DLG2: variants seen among roughly 807,000 people sequenced by gnomAD.
DLG2 encodes the protein disks large homolog 2.
DLG2 carries 45 observed loss-of-function variants against 132.5 expected under a neutral mutation model. The ratio of observed to expected loss-of-function variants is 0.34; its 90% CI spans 0.27 to 0.44. The LOEUF (loss-of-function observed/expected upper bound fraction) is 0.44. Among genes scored for constraint, DLG2 ranks in the 20% least tolerant of loss-of-function variants. The pLI is 1.00. For synonymous variants in DLG2, 424 were observed against 419.6 expected, an observed-to-expected ratio of 1.01 and a Z score of -0.13; for missense variants, 1,045 against 1,196.9, an observed-to-expected ratio of 0.87 and a Z score of 1.87.
intron 18 of DLG2, among the ~76,000 whole-genome samples, chr11:83,770,406 GAATATAATTACTA>G (rs1456450014): frequency 6.6e-6 from 1 of 151,988 alleles, no homozygotes; most frequent in Non-Finnish European, 1.5e-5. Context: ...ATTCTGGGCA[GAATATAATTACTA>G]AGCCCCAGAG....
At chr11:85,625,818 C>G (rs1272332457) in intron 2 of DLG2, among the ~76,000 whole-genome samples, 1 of 152,110 alleles carries the variant, frequency 6.6e-6, no homozygotes, top group Non-Finnish European at 1.5e-5. Context: ...CAAAACAAAA[C>G]AAAACAAAAA....
At chr11:85,001,103 T>A (rs2058164962) in intron 6 of DLG2, among the ~76,000 whole-genome samples, 1 of 151,220 alleles carries the variant, frequency 6.6e-6, no homozygotes, top group African/African-American at 2.4e-5. Context: ...TAGAAAGAAC[T>A]TTTTTTTTGA....
At chr11:83,886,877 A>G (rs1339480120) in intron 15 of DLG2, among the ~76,000 whole-genome samples, 1 of 150,536 alleles carries the variant, frequency 6.6e-6, no homozygotes, top group African/African-American at 2.4e-5. Flanking sequence ...GAAGGCAGAA[A>G]TAAAGATGTT....
chr11:83,567,907 A>C (rs1363725310), intron 19 of DLG2, among the ~76,000 whole-genome samples: 1 of 152,214 alleles, frequency 6.6e-6, no homozygotes, highest in Non-Finnish European at 1.5e-5. Flanking sequence ...GAAGAGAAGC[A>C]GTAAAAGCTA....
chr11:84,210,396 G>T (rs1406157831), intron 8 of DLG2, among the ~76,000 whole-genome samples: 1 of 125,632 alleles, frequency 8.0e-6, no homozygotes, highest in Non-Finnish European at 1.7e-5. Flanking sequence ...TGGGGTGGGG[G>T]GAGCGGGGAG....
At chr11:84,600,816 C>T (rs924048125) in intron 6 of DLG2, among the ~76,000 whole-genome samples, 2 of 152,020 alleles carry the variant, frequency 1.3e-5, no homozygotes, top group African/African-American at 4.8e-5. Context: ...TGAATTATCA[C>T]TATTAATTAA....
chr11:84,710,997 C>CATATATATATAT (rs201024808), intron 6 of DLG2, among the ~76,000 whole-genome samples: 3 of 96,156 alleles, frequency 3.1e-5, no homozygotes, highest in African/African-American at 4.7e-5. Context: ...CAAGTACATT[C>CATATATATATAT]ATATATATAT....
At chr11:84,891,626 T>A (rs2089410318) in intron 6 of DLG2, among the ~76,000 whole-genome samples, 1 of 152,200 alleles carries the variant, frequency 6.6e-6, no homozygotes, top group Non-Finnish European at 1.5e-5. Context: ...AGTATTGGCA[T>A]ATTTACAGCC....
At chr11:84,818,552 A>G (rs1281791160) in intron 6 of DLG2, among the ~76,000 whole-genome samples, 1 of 151,894 alleles carries the variant, frequency 6.6e-6, no homozygotes, top group Non-Finnish European at 1.5e-5. Context: ...AAGTTCAGAG[A>G]CATTTACCAT....
intron 6 of DLG2, among the ~76,000 whole-genome samples, chr11:84,756,395 C>T (rs1385008221): frequency 6.6e-6 from 1 of 152,134 alleles, no homozygotes; most frequent in Non-Finnish European, 1.5e-5. Context: ...GAGTATTTTC[C>T]TTCAAGAGCA....
At chr11:85,270,190 T>A (rs1282336801) in intron 4 of DLG2, among the ~76,000 whole-genome samples, 1 of 152,190 alleles carries the variant, frequency 6.6e-6, no homozygotes. Context: ...AGGGACCTAA[T>A]GGGAGGTAAT....
chr11:85,398,036 C>G (rs2087595160), intron 3 of DLG2, among the ~76,000 whole-genome samples: 1 of 152,184 alleles, frequency 6.6e-6, no homozygotes, highest in Non-Finnish European at 1.5e-5. Context: ...TAGTAAAACA[C>G]TCCTCAGCAA....
At chr11:84,255,233 G>A (rs538676208) in intron 7 of DLG2, among the ~76,000 whole-genome samples, 1 of 152,178 alleles carries the variant, frequency 6.6e-6, no homozygotes, top group East Asian at 1.9e-4. Flanking sequence ...GTTTGTTTCT[G>A]AGTCCTAAAA....
chr11:84,581,444 A>G (rs1467499855), intron 6 of DLG2, among the ~76,000 whole-genome samples: 5 of 152,182 alleles, frequency 3.3e-5, no homozygotes, highest in African/African-American at 1.2e-4. Flanking sequence ...CTAAAGGAAC[A>G]TGGAAAGAGG....
At chr11:84,569,403 G>A (rs1379174241) in intron 6 of DLG2, among the ~76,000 whole-genome samples, 2 of 151,924 alleles carry the variant, frequency 1.3e-5, no homozygotes, top group Non-Finnish European at 2.9e-5. Flanking sequence ...AAAATAAATG[G>A]AGATATATAA....
chr11:83,668,697 ATATAAACACATATATATG>A (rs2076183728), intron 18 of DLG2, among the ~76,000 whole-genome samples: 1 of 16,970 alleles, frequency 5.9e-5, no homozygotes, highest in Non-Finnish European at 1.1e-4. Flanking sequence ...ATATATGTGT[ATATAAACACATATATATG>A]TGTATATAAA....
intron 6 of DLG2, among the ~76,000 whole-genome samples, chr11:84,911,864 T>G (rs17809374): frequency 0.05 from 7,586 of 152,242 alleles, 213 homozygotes; most frequent in East Asian, 0.09. Context: ...AGTGGTTATA[T>G]TTAGATGATT....
intron 6 of DLG2, among the ~76,000 whole-genome samples, chr11:84,885,156 A>C (rs904557078): frequency 6.6e-6 from 1 of 152,136 alleles, no homozygotes; most frequent in African/African-American, 2.4e-5. Context: ...ATATCCATTA[A>C]CCTCACAGAG....
rs143818305 is a variant in DLG2 at position 84,959,838 on chromosome 11, C to T, written c.357+151823G>A. ...GATATGAGTTGGATGTTCTCTTGGG[C>T]GTGGGAGAACTACAGGACAAAAGAA... On this transcript the variant is annotated intron_variant, in intron 6 of 27. Transcript: ENST00000376104. Among the ~76,000 whole-genome samples, 39 of 151,760 alleles carry T rather than the reference C, an allele frequency of 2.6e-4. No individual in the cohort carries two copies. In the East Asian group the frequency reaches 6.0e-3, roughly 23 times the overall value.
Sources: allele counts gnomAD v4.1 joint callset (sites outside exome capture counted in the v4.1 genomes callset), GRCh38; gene constraint gnomAD v4.1.1; transcripts MANE v1.5; gene names NCBI Gene and HGNC (gene_info 2026-07-23, HGNC 2026-07-21).